The following GARNL3 variants were observed in gnomAD, a reference collection of about 807,000 sequenced individuals.
GARNL3 encodes the protein GTPase-activating Rap/Ran-GAP domain-like protein 3.
A neutral mutation model predicts 125.0 loss-of-function variants in GARNL3; 63 were observed. That is an observed-to-expected ratio of 0.50 (90% CI 0.41 to 0.62). The LOEUF is 0.62. GARNL3 is among the 20% of genes least tolerant of loss of function. The probability of loss-of-function intolerance (pLI) is 0.00; values close to 1 mark genes in which losing one functional copy is unlikely to be tolerated. For missense variants in GARNL3, 994 were observed against 1,244.0 expected (o/e 0.80, Z 3.02); for synonymous variants, 439 against 457.5 (o/e 0.96, Z 0.52).
At chr9:127,327,000 T>C (rs76256473) in intron 7 of GARNL3, among the ~76,000 whole-genome samples, 3,391 of 152,220 alleles carry the variant, frequency 0.022, 121 homozygotes, top group African/African-American at 0.078. Flanking sequence ...GCAGCCCAAA[T>C]AGACCAAGAC....
rs1345119851 is a variant in GARNL3, at chr9:127,291,209, A to T, written c.186A>T (p.Gly62=). The T allele has an allele frequency of 6.2e-7, 1 of 1,614,160 alleles. No homozygotes were observed. Among genetic ancestry groups the T allele is most frequent in the Non-Finnish European group, 8.5e-7 (1 of 1,180,004 alleles). Residue 62 remains glycine (G), a synonymous_variant, in exon 2 of 28, where the codon GGA becomes GGT. Transcript: ENST00000373387. Reference sequence around the variant, plus strand: ...CTGATGGAGCCATCCAAAGGGCTGGAAGATTCAGAGTGGAAAATGGCTCTT... The same window carrying T: ...CTGATGGAGCCATCCAAAGGGCTGGTAGATTCAGAGTGGAAAATGGCTCTT... The part of the protein sequence containing the change: ...SDADGAIQRA[G]RFRVENGSSD...
chr9:127,294,823 G>A (rs2131384503), intron 2 of GARNL3, among the ~76,000 whole-genome samples: 1 of 152,316 alleles, frequency 6.6e-6, no homozygotes, highest in East Asian at 1.9e-4. Flanking sequence ...GAATAAGCCT[G>A]CTGAAGTCCC....
chr9:127,299,022 AAG>A (rs2064695777), intron 2 of GARNL3, among the ~76,000 whole-genome samples: 2 of 152,166 alleles, frequency 1.3e-5, no homozygotes, highest in Admixed American at 6.5e-5. Context: ...AAAAGAGAGA[AAG>A]AGAAAAGTCA....
upstream of GARNL3, among the ~76,000 whole-genome samples, chr9:127,262,757 A>G (rs2063618632): frequency 6.6e-6 from 1 of 152,208 alleles, no homozygotes; most frequent in Non-Finnish European, 1.5e-5. Context: ...AGATATACAA[A>G]TACCTTCATT....
At position 127,392,839 on chromosome 9, in the gene GARNL3, T is replaced by C. The variant is rs1373011562; in HGVS notation, c.2871-244T>C. Among the ~76,000 whole-genome samples the C allele has an allele frequency of 6.6e-6, 1 of 152,108 alleles. No homozygotes were observed. Among genetic ancestry groups the C allele is most frequent in the Non-Finnish European group, 1.5e-5 (1 of 68,014 alleles). On this transcript the variant is annotated intron_variant, in intron 27 of 27. Coordinates refer to ENST00000373387, the MANE Select transcript of GARNL3 (RefSeq NM_032293.5). The surrounding 1 kb of genome is among the most constrained non-coding windows in gnomAD (Gnocchi z 5.2). Reference sequence around the variant, plus strand: ...GATGACATTATCTGGATTTGCACTTTAGAAAGGTAGGTAAATAATGCCTCA... The same window carrying C: ...GATGACATTATCTGGATTTGCACTTCAGAAAGGTAGGTAAATAATGCCTCA...
chr9:127,311,244 A>C (rs1002551678), intron 2 of GARNL3, among the ~76,000 whole-genome samples: 3 of 151,806 alleles, frequency 2.0e-5, no homozygotes, highest in African/African-American at 7.3e-5. Flanking sequence ...GGAAAAAAAA[A>C]AACAGAAAAA....
chr9:127,357,222 ATCTG>A lies in GARNL3; in HGVS notation c.1948_1951del (p.Ser650ThrfsTer5). On this transcript the variant is annotated frameshift_variant, in exon 21 of 28. Transcript: ENST00000373387. LOFTEE classifies it high-confidence loss of function. ...TGTATCCTCACCAACCACACAGGAG[ATCTG>A]TCTGTCTGACTCTCCCATGGTGATG... is the stretch of plus-strand genomic sequence containing the variant. 6.2e-7 allele frequency: 1 copy of A among 1,614,126 alleles called. No individual in the cohort carries two copies. Among genetic ancestry groups the A allele is most frequent in the Non-Finnish European group, 8.5e-7 (1 of 1,180,008 alleles).
intron 20 of GARNL3, 91 bp from the exon 21 acceptor site, chr9:127,357,128 C>A: frequency 7.5e-7 from 1 of 1,335,930 alleles, no homozygotes; most frequent in Non-Finnish European, 1.1e-6. Flanking sequence ...AGGGTGCCTT[C>A]TCTGTAAGGA....
upstream of GARNL3, among the ~76,000 whole-genome samples, chr9:127,258,843 C>T (rs577887992): frequency 6.6e-6 from 1 of 152,280 alleles, no homozygotes; most frequent in East Asian, 1.9e-4. Context: ...TAAGGAGAAT[C>T]CCTTCCATCT....
chr9:127,270,134 C>G (rs998061749), intron 1 of GARNL3, among the ~76,000 whole-genome samples: 1 of 152,074 alleles, frequency 6.6e-6, no homozygotes, highest in African/African-American at 2.4e-5. Flanking sequence ...GCTGCATTCT[C>G]TTGCTTGTGG....
rs114404438 is a variant in GARNL3, at chr9:127,258,578, G to A, written c.144-6374G>A. The stretch of plus-strand genomic sequence containing the variant: ...TGCTTGAACCTGGGAGTTTGAGGCT[G>A]CAGTGAGCTGTGATGCTGCCACTGC... On this transcript the variant is annotated intron_variant, in intron 2 of 10. Transcript: ENST00000439286. Among the ~76,000 whole-genome samples the A allele has an allele frequency of 5.4e-3, 819 of 152,304 alleles. 11 individuals are homozygous for A. Among genetic ancestry groups the A allele is most frequent in the African/African-American group, 0.019 (792 of 41,560 alleles).
chr9:127,225,467 G>A, intron 1 of GARNL3: 1 of 667,250 alleles, frequency 1.5e-6, no homozygotes, highest in Non-Finnish European at 1.9e-6. Context: ...ATGGCGATGT[G>A]AAGGGACAGC....
At chr9:127,243,468 A>G (rs2063239341) in intron 2 of GARNL3, among the ~76,000 whole-genome samples, 1 of 152,226 alleles carries the variant, frequency 6.6e-6, no homozygotes, top group African/African-American at 2.4e-5. Flanking sequence ...GTCAGACATT[A>G]TGAGCAAAAT....
At chr9:127,238,072 G>C (rs2063143099) in intron 1 of GARNL3, among the ~76,000 whole-genome samples, 1 of 152,208 alleles carries the variant, frequency 6.6e-6, no homozygotes, top group Non-Finnish European at 1.5e-5. Flanking sequence ...AACCTGACAT[G>C]TTCTCCCTAT....
At position 127,384,696 on chromosome 9, in the gene GARNL3, A is replaced by C. The variant is rs1564200387; in HGVS notation, c.2270-331A>C. Among the ~76,000 whole-genome samples, 1 of 152,198 alleles carries C rather than the reference A, an allele frequency of 6.6e-6. No individual in the cohort carries two copies. The highest frequency in any genetic ancestry group is 1.5e-5 in the Non-Finnish European group (1 of 68,032). ...GACAGAATGTCAGGCTGGCGTCTGA[A>C]CAACAGAAGGGACTCCCCACAGGAC... On this transcript the variant is annotated intron_variant, in intron 23 of 27. Transcript: ENST00000373387. This position sits in a 1 kb window ranked among gnomAD's most constrained non-coding sequence, Gnocchi z 4.0.
intron 22 of GARNL3, among the ~76,000 whole-genome samples, chr9:127,372,108 T>A (rs1387001606): frequency 6.6e-6 from 1 of 152,174 alleles, no homozygotes; most frequent in East Asian, 1.9e-4. Flanking sequence ...AACCAAAAAC[T>A]TTGTTCCATA....
intron 2 of GARNL3, among the ~76,000 whole-genome samples, chr9:127,292,010 T>TA (rs2064436198): frequency 6.6e-6 from 1 of 152,162 alleles, no homozygotes; most frequent in Non-Finnish European, 1.5e-5. Flanking sequence ...GCCTGGCACA[T>TA]AGTAAGCTTC....
At chr9:127,274,652 GT>G (rs1327516382) in intron 1 of GARNL3, among the ~76,000 whole-genome samples, 2 of 152,162 alleles carry the variant, frequency 1.3e-5, no homozygotes, top group Non-Finnish European at 2.9e-5. Context: ...CCTTATGCTG[GT>G]ATCCTGGGAG....
intron 25 of GARNL3, 58 bp from the exon 26 acceptor site, chr9:127,388,844 CTT>C (rs1206727780): frequency 4.3e-5 from 44 of 1,018,156 alleles, no homozygotes; most frequent in Middle Eastern, 4.0e-4. Flanking sequence ...AAATTACTCT[CTT>C]GTAAATAATG....
Sources: allele counts gnomAD v4.1 joint callset (sites outside exome capture counted in the v4.1 genomes callset), GRCh38; gene constraint gnomAD v4.1.1; non-coding constraint Gnocchi (gnomAD v3.1); transcripts MANE v1.5; gene names NCBI Gene and HGNC (gene_info 2026-07-23, HGNC 2026-07-21).